NCKAP5: variants seen among roughly 807,000 people sequenced by gnomAD.
The protein encoded by NCKAP5 is NCK associated protein 5.
A neutral mutation model predicts 167.0 loss-of-function variants in NCKAP5; 92 were observed. That is an observed-to-expected ratio of 0.55 (90% CI 0.47 to 0.66). The LOEUF is 0.66. Among genes scored for constraint, NCKAP5 ranks in the 30% least tolerant of loss-of-function variants. NCKAP5 has a pLI of 0.00. For missense variants in NCKAP5, 2,378 were observed against 2,315.0 expected, an observed-to-expected ratio of 1.03 and a Z score of -0.56; for synonymous variants, 891 against 877.4, an observed-to-expected ratio of 1.02 and a Z score of -0.27.
At chr2:133,661,944 A>G in the NCKAP5 span, among the ~76,000 whole-genome samples, 1 of 152,118 alleles carries the variant, frequency 6.6e-6, no homozygotes, top group African/African-American at 2.4e-5. Flanking sequence ...CTAAGATTCA[A>G]TTCCCACTTA....
In NCKAP5 at chr2:132,731,738, T is replaced by C; in HGVS notation, c.5442A>G (p.Ser1814=). 1 of 1,572,130 alleles carries C rather than the reference T, an allele frequency of 6.4e-7. No individual in the cohort carries two copies. The highest frequency in any genetic ancestry group is 8.7e-7 in the Non-Finnish European group (1 of 1,155,814). ...AAGGGTGGGAAATTGGCATTTTACCTGAGGAAGCTGGTTTGGGGAGGCGGC... is the reference window on the plus strand; with the variant it reads ...AAGGGTGGGAAATTGGCATTTTACCCGAGGAAGCTGGTTTGGGGAGGCGGC... ...LQSRLPKPAS[S]GKVSSQKQNE... is the part of the protein sequence containing the mutation. The change falls in exon 17 of 20, where the codon TCA becomes TCG. Residue 1814 remains serine, a splice_region_variant and synonymous_variant. Transcript: ENST00000409261.
rs188557326 is a variant in NCKAP5, at chr2:133,109,432, A to G, written c.341+20546T>C. Among the ~76,000 whole-genome samples the G allele has an allele frequency of 3.9e-3, 593 of 152,340 alleles. 2 individuals are homozygous for G. The highest frequency in any genetic ancestry group is 0.014 in the African/African-American group (564 of 41,578). On this transcript the variant is annotated intron_variant, in intron 6 of 19. Transcript: ENST00000409261. Reference sequence around the variant, plus strand: ...ATGCTTTCTTCAAGAGAGTTATGAGAATTATATTTCCCATGTGGCTTGCAA... The same window carrying G: ...ATGCTTTCTTCAAGAGAGTTATGAGGATTATATTTCCCATGTGGCTTGCAA...
At chr2:133,083,019 A>C (rs1482023001) in intron 6 of NCKAP5, among the ~76,000 whole-genome samples, 1 of 152,138 alleles carries the variant, frequency 6.6e-6, no homozygotes. Flanking sequence ...CAGTGACCAC[A>C]TGGTTGGGAC....
chr2:133,660,154 G>A, the NCKAP5 span, among the ~76,000 whole-genome samples: 1 of 152,178 alleles, frequency 6.6e-6, no homozygotes, highest in African/African-American at 2.4e-5. Context: ...TGTCATCACT[G>A]TATTCCAAGG....
intron 3 of NCKAP5, among the ~76,000 whole-genome samples, chr2:133,430,531 T>C (rs1690092410): frequency 6.6e-6 from 1 of 152,138 alleles, no homozygotes; most frequent in African/African-American, 2.4e-5. Flanking sequence ...CTTTAATCCA[T>C]CTTGAGTTAA....
chr2:133,667,772 C>A, the NCKAP5 span, among the ~76,000 whole-genome samples: 1 of 151,984 alleles, frequency 6.6e-6, no homozygotes, highest in African/African-American at 2.4e-5. Flanking sequence ...CATTTTTAAT[C>A]ATGTTTATTG....
the NCKAP5 span, among the ~76,000 whole-genome samples, chr2:133,594,045 A>G: frequency 1.3e-5 from 2 of 152,222 alleles, no homozygotes; most frequent in Non-Finnish European, 2.9e-5. Context: ...CAAATCTTCT[A>G]CAACTCCAAT....
intron 5 of NCKAP5, among the ~76,000 whole-genome samples, chr2:133,145,138 T>C (rs1559188981): frequency 6.6e-6 from 1 of 152,106 alleles, no homozygotes; most frequent in South Asian, 2.1e-4. Flanking sequence ...TTTAAATACA[T>C]TTAATTTATT....
intron 6 of NCKAP5, among the ~76,000 whole-genome samples, chr2:133,039,057 C>G (rs932970438): frequency 6.6e-6 from 1 of 152,276 alleles, no homozygotes; most frequent in Middle Eastern, 3.4e-3. Context: ...TGGCCACCAA[C>G]ACCAGGGCAC....
intron 6 of NCKAP5, among the ~76,000 whole-genome samples, chr2:133,109,775 C>A (rs894067236): frequency 2.7e-5 from 4 of 147,576 alleles, no homozygotes; most frequent in Non-Finnish European, 6.0e-5. Flanking sequence ...AAAAAAAAAA[C>A]TTACGTAAAA....
chr2:132,701,527 C>T (rs570933888), intron 19 of NCKAP5, among the ~76,000 whole-genome samples: 9 of 152,016 alleles, frequency 5.9e-5, no homozygotes, highest in Admixed American at 3.9e-4. Flanking sequence ...TCAGATACTG[C>T]TGCTGCTGCT....
chr2:133,521,751 C>G (rs1684495222), intron 2 of NCKAP5, among the ~76,000 whole-genome samples: 1 of 152,146 alleles, frequency 6.6e-6, no homozygotes, highest in Admixed American at 6.5e-5. Flanking sequence ...CCTTAAATGC[C>G]CTATCTCCAA....
chr2:132,815,462 G>A (rs1368145699), intron 11 of NCKAP5, among the ~76,000 whole-genome samples: 1 of 152,134 alleles, frequency 6.6e-6, no homozygotes, highest in Non-Finnish European at 1.5e-5. Flanking sequence ...TAGACTGTGG[G>A]TTGGAGACTA....
In NCKAP5 at chr2:132,783,586, T is replaced by C; in HGVS notation, c.3225A>G (p.Pro1075=). The C allele has an allele frequency of 6.2e-7, 1 of 1,613,982 alleles. No individual in the cohort carries two copies. Among genetic ancestry groups the C allele is most frequent in the African/African-American group, 1.3e-5 (1 of 75,034 alleles). ...CACTTTTGGAGGACGTCATTTCCAG[T>C]GGCTCATGGGTTGAAGGAGAGATCC... ...TPRISPSTHE[P]LEMTSSKSVS... Residue 1075 remains proline, a synonymous_variant, in exon 14 of 20, where the codon CCA becomes CCG. Transcript: ENST00000409261.
At chr2:133,520,957 G>A (rs911795946) in intron 2 of NCKAP5, among the ~76,000 whole-genome samples, 8 of 152,096 alleles carry the variant, frequency 5.3e-5, no homozygotes, top group Non-Finnish European at 1.0e-4. Context: ...ACTCCAAGAA[G>A]GTGAAAATTT....
chr2:133,225,185 C>G (rs2086827655), intron 4 of NCKAP5, among the ~76,000 whole-genome samples: 1 of 152,030 alleles, frequency 6.6e-6, no homozygotes, highest in East Asian at 1.9e-4. Flanking sequence ...ATTTTGGTAA[C>G]ATTCAAAACA....
chr2:132,910,109 T>A (rs1694329560), intron 8 of NCKAP5, among the ~76,000 whole-genome samples: 1 of 152,250 alleles, frequency 6.6e-6, no homozygotes, highest in South Asian at 2.1e-4. Flanking sequence ...AAATTTTTTT[T>A]CATTTCTAAT....
At chr2:132,697,244 TCCTCAGG>T in intron 19 of NCKAP5, among the ~76,000 whole-genome samples, 7 of 152,216 alleles carry the variant, frequency 4.6e-5, no homozygotes, top group Non-Finnish European at 7.3e-5. Flanking sequence ...GAGGAGCTGG[TCCTCAGG>T]GCTTCCTGTC....
chr2:133,660,977 T>C, the NCKAP5 span, among the ~76,000 whole-genome samples: 1 of 151,004 alleles, frequency 6.6e-6, no homozygotes, highest in African/African-American at 2.4e-5. Flanking sequence ...AAAATCCTAG[T>C]CTAGACAATA....
Sources: allele counts gnomAD v4.1 joint callset (sites outside exome capture counted in the v4.1 genomes callset), GRCh38; gene constraint gnomAD v4.1.1; transcripts MANE v1.5; gene names NCBI Gene and HGNC (gene_info 2026-07-23, HGNC 2026-07-21).